Variants in WDR31 observed in about 807,000 individuals in gnomAD.
The protein encoded by WDR31 is WD repeat-containing protein 31.
WDR31 carries 30 observed loss-of-function variants against 47.3 expected under a neutral mutation model. The ratio of observed to expected loss-of-function variants is 0.63; its 90% CI spans 0.47 to 0.86. The LOEUF (loss-of-function observed/expected upper bound fraction) is 0.86, where lower values mean the gene tolerates loss of function less well. WDR31 is among the 40% of genes least tolerant of loss of function. The pLI, the probability that WDR31 is intolerant of heterozygous loss-of-function variation, is 0.00. For missense variants in WDR31, 406 were observed against 442.9 expected (o/e 0.92, Z 0.75); for synonymous variants, 137 against 159.4 (o/e 0.86, Z 1.06).
intron 10 of WDR31, among the ~76,000 whole-genome samples, chr9:113,317,115 G>A (rs540840204): frequency 1.3e-5 from 2 of 152,280 alleles, no homozygotes; most frequent in East Asian, 3.9e-4. Context: ...AATGGCACAC[G>A]GGCCAAACAG....
intron 4 of WDR31, among the ~76,000 whole-genome samples, chr9:113,330,298 G>A (rs533647150): frequency 3.9e-4 from 60 of 152,170 alleles, no homozygotes; most frequent in Admixed American, 3.1e-3. Context: ...ATGGGGCTTC[G>A]CCATGTTGTC....
chr9:113,336,471 C>T (rs1284989031), intron 1 of WDR31, 31 bp from the exon 2 acceptor site: 2 of 152,148 alleles, frequency 1.3e-5, no homozygotes, highest in Non-Finnish European at 2.9e-5. Flanking sequence ...TAAATAAAGA[C>T]CTTGTTTATT....
chr9:113,333,370 A>ATTT (rs60772699), intron 2 of WDR31, among the ~76,000 whole-genome samples: 30 of 102,934 alleles, frequency 2.9e-4, no homozygotes, highest in Admixed American at 8.5e-4. Flanking sequence ...TGGTTGTTGG[A>ATTT]TTTTTTTTTT....
At chr9:113,321,817 C>A (rs1018200571) in intron 7 of WDR31, among the ~76,000 whole-genome samples, 7 of 152,230 alleles carry the variant, frequency 4.6e-5, no homozygotes, top group African/African-American at 1.7e-4. Context: ...TACATGCAGG[C>A]ACCCTAAGAG....
chr9:113,323,073 G>A lies in WDR31; in HGVS notation c.407C>T (p.Ser136Leu), dbSNP rs202160527. Residue 136 changes from serine to leucine, a missense_variant, in exon 6 of 11, where the codon TCA (serine) becomes TTA (leucine). Transcript: ENST00000374193. ...GCCACACAATTGCTGCCTTGGTTGT[G>A]AGGAACCGTGCAAGTCCCACATCAT... is the stretch of plus-strand genomic sequence containing the variant. ...MVMMWDLHGSSQPRQQLCGHA... is the reference protein window; with the variant it reads ...MVMMWDLHGSLQPRQQLCGHA... 1.9e-6 allele frequency: 3 copies of A among 1,614,194 alleles called. No homozygotes were observed. The highest frequency in any genetic ancestry group is 1.1e-5 in the South Asian group (1 of 91,082).
At position 113,318,550 on chromosome 9, in the gene WDR31, C is replaced by G; in HGVS notation, c.868G>C (p.Ala290Pro). ...GCAATTAAAGGCATCAAGGCCAATG[C>G]TCTTGGTAGAAAGACGCAGGATGCG... ...TVASCVFLPR[A>P]LALMPLIATS... The change falls in exon 10 of 11, where the codon GCA becomes CCA. Residue 290 changes from alanine (A) to proline (P), a missense_variant. Ala to Pro is a conservative substitution (Grantham distance 27). Coordinates refer to ENST00000374193, the MANE Select transcript of WDR31 (RefSeq NM_001012361.4). 2 of 1,614,224 alleles carry G rather than the reference C, an allele frequency of 1.2e-6. No homozygotes were observed. The highest frequency in any genetic ancestry group is 1.7e-6 in the Non-Finnish European group (2 of 1,180,036).
chr9:113,328,116 G>C (rs1459485826), intron 5 of WDR31, among the ~76,000 whole-genome samples: 1 of 152,160 alleles, frequency 6.6e-6, no homozygotes, highest in Non-Finnish European at 1.5e-5. Context: ...TGTTTTACTG[G>C]TAAACAATCT....
intron 2 of WDR31, among the ~76,000 whole-genome samples, chr9:113,334,029 G>C (rs1833662298): frequency 6.9e-6 from 1 of 144,570 alleles, no homozygotes. Flanking sequence ...TTTTTTTTGA[G>C]ACAGGGTCTC....
Position 113,318,565 on chromosome 9 carries a change from C to T in WDR31, c.853G>A (p.Val285Ile), listed in dbSNP as rs187133500. The change falls in exon 10 of 11, where the codon GTC (valine) becomes ATC (isoleucine). Residue 285 changes from valine (V) to isoleucine (I), a missense_variant. Transcript: ENST00000374193. ...KGHFQTVASC[V>I]FLPRALALMP... is the part of the protein sequence containing the mutation. ...AAGGCCAATGCTCTTGGTAGAAAGA[C>T]GCAGGATGCGACAGTCTGGAAATGC... The T allele has an allele frequency of 5.5e-5, 89 of 1,614,180 alleles. 2 individuals are homozygous for T. The Admixed American group carries it at 9.0e-4, about 16-fold the overall frequency.
Position 113,331,860 on chromosome 9 carries a change from T to C in WDR31, c.116+47A>G, listed in dbSNP as rs536191290. On this transcript the variant is annotated intron_variant, in intron 3 of 10. Coordinates refer to ENST00000374193, the MANE Select transcript of WDR31 (RefSeq NM_001012361.4). ...CTTCTCTTTCTTCAGTGGAGAGTTTTAATGGGGCATGATAAAACCTGGGCT... is the reference window on the plus strand; with the variant it reads ...CTTCTCTTTCTTCAGTGGAGAGTTTCAATGGGGCATGATAAAACCTGGGCT... 1.5e-5 allele frequency: 23 copies of C among 1,576,016 alleles called. No individual in the cohort carries two copies. The African/African-American group carries it at 2.8e-4, about 19-fold the overall frequency.
rs774653930 is a variant in WDR31 at position 113,331,967 on chromosome 9, C to G, written c.56G>C (p.Arg19Thr). The part of the protein sequence containing the change: ...KQAPPQKVSF[R>T]FCVVMGKQQS... ...CTGTTTCCCCATCACGACACAAAAC[C>G]TAAACGAAACCTTCTGTGGAGGAGC... is the stretch of plus-strand genomic sequence containing the variant. The change falls in exon 3 of 11, where the codon AGG becomes ACG. Residue 19 changes from arginine to threonine, a missense_variant. Coordinates refer to ENST00000374193, the MANE Select transcript of WDR31 (RefSeq NM_001012361.4). 13 of 1,614,010 alleles carry G rather than the reference C, an allele frequency of 8.1e-6. No individual in the cohort carries two copies. The highest frequency in any genetic ancestry group is 2.2e-5 in the East Asian group (1 of 44,884).
In WDR31 at chr9:113,316,929, C is replaced by T; in HGVS notation, c.944-20G>A. 6.2e-7 allele frequency: 1 copy of T among 1,611,400 alleles called. No homozygotes were observed. ...GGCAGGCTGGGGGGGAAAGGGGGAC[C>T]AGCAGATTAGGCCAAGAGTGTAGCA... On this transcript the variant is annotated intron_variant, in intron 10 of 10. Transcript: ENST00000374193.
chr9:113,323,060 C>T lies in WDR31; in HGVS notation c.420G>A (p.Gln140=). The T allele has an allele frequency of 6.2e-7, 1 of 1,614,220 alleles. No individual in the cohort carries two copies. The highest frequency in any genetic ancestry group is 8.5e-7 in the Non-Finnish European group (1 of 1,180,040). The change falls in exon 6 of 11, where the codon CAG becomes CAA. Residue 140 remains glutamine (Q), a synonymous_variant. Transcript: ENST00000374193. ...WDLHGSSQPR[Q]QLCGHAMVVT... is the part of the protein sequence containing the mutation. ...CCACCATGGCATGGCCACACAATTG[C>T]TGCCTTGGTTGTGAGGAACCGTGCA...
chr9:113,320,572 A>T lies in WDR31; in HGVS notation c.639-74T>A, dbSNP rs112783003. 6.7e-4 allele frequency: 1,044 copies of T among 1,549,252 alleles called. 8 individuals are homozygous for T. The African/African-American group carries it at 0.012, about 17-fold the overall frequency. On this transcript the variant is annotated intron_variant, in intron 8 of 10. Coordinates refer to ENST00000374193, the MANE Select transcript of WDR31 (RefSeq NM_001012361.4). ...ATACACCCGTATTGTCCCACTACCA[A>T]AAAAGTCTTGGCTCTTTGCTGCATA... is the stretch of plus-strand genomic sequence containing the variant.
At chr9:113,328,275 T>G (rs951701453) in intron 5 of WDR31, among the ~76,000 whole-genome samples, 3 of 152,320 alleles carry the variant, frequency 2.0e-5, no homozygotes, top group South Asian at 2.1e-4. Context: ...CAGAACACAA[T>G]GTATCTGGCA....
intron 1 of WDR31, among the ~76,000 whole-genome samples, chr9:113,339,572 G>T (rs970934754): frequency 6.6e-6 from 1 of 152,162 alleles, no homozygotes; most frequent in Admixed American, 6.5e-5. Context: ...GGGAATAAGA[G>T]GGTCTTGCCT....
At chr9:113,324,441 G>T (rs942161577) in intron 5 of WDR31, among the ~76,000 whole-genome samples, 4 of 144,592 alleles carry the variant, frequency 2.8e-5, no homozygotes, top group African/African-American at 5.2e-5. Context: ...CCAGACTGCA[G>T]TGCAGGGACC....
At chr9:113,334,230 G>A (rs1275442311) in intron 2 of WDR31, among the ~76,000 whole-genome samples, 4 of 151,902 alleles carry the variant, frequency 2.6e-5, no homozygotes, top group South Asian at 2.1e-4. Flanking sequence ...AGCAATCCAC[G>A]TGCCTTGGCC....
chr9:113,331,896 G>A lies in WDR31; in HGVS notation c.116+11C>T. ...GATAAAACCTGGGCTCCCAGGGGAG[G>A]ATTGCAGTACCCGTATTTATAAGTG... is the stretch of plus-strand genomic sequence containing the variant. On this transcript the variant is annotated intron_variant, in intron 3 of 10. Coordinates refer to ENST00000374193, the MANE Select transcript of WDR31 (RefSeq NM_001012361.4). 6.2e-7 allele frequency: 1 copy of A among 1,611,886 alleles called. No individual in the cohort carries two copies. The highest frequency in any genetic ancestry group is 2.2e-5 in the East Asian group (1 of 44,802).
Sources: allele counts gnomAD v4.1 joint callset (sites outside exome capture counted in the v4.1 genomes callset), GRCh38; gene constraint gnomAD v4.1.1; transcripts MANE v1.5; gene names NCBI Gene and HGNC (gene_info 2026-07-23, HGNC 2026-07-21).